Variants in CSRNP3 observed in about 807,000 individuals in gnomAD.
CSRNP3 encodes the protein cysteine and serine rich nuclear protein 3, also known as cysteine/serine-rich nuclear protein 3.
A neutral mutation model predicts 48.0 loss-of-function variants in CSRNP3; 12 were observed. The ratio of observed to expected loss-of-function variants is 0.25; its 90% confidence interval spans 0.16 to 0.41. The LOEUF (loss-of-function observed/expected upper bound fraction) is 0.41, where lower values mean the gene tolerates loss of function less well. Ranked by LOEUF, CSRNP3 falls within the 10% of genes least tolerant of loss-of-function variation. The pLI is 1.00. For missense variants in CSRNP3, 580 were observed against 724.4 expected (o/e 0.80, Z 2.29); for synonymous variants, 263 against 269.7 (o/e 0.98, Z 0.24).
intron 4 of CSRNP3, among the ~76,000 whole-genome samples, chr2:165,612,790 G>A (rs979296683): frequency 1.3e-4 from 20 of 151,874 alleles, no homozygotes; most frequent in Admixed American, 7.9e-4. Flanking sequence ...GTATTCTATT[G>A]TGTATATATA....
intron 3 of CSRNP3, among the ~76,000 whole-genome samples, chr2:165,555,361 C>T (rs766877602): frequency 3.9e-5 from 6 of 152,118 alleles, no homozygotes; most frequent in Admixed American, 1.3e-4. Flanking sequence ...TACTTTTTCA[C>T]GAATGAATTG....
chr2:165,597,844 T>G (rs1685837943), intron 4 of CSRNP3, among the ~76,000 whole-genome samples: 1 of 152,076 alleles, frequency 6.6e-6, no homozygotes, highest in Non-Finnish European at 1.5e-5. Flanking sequence ...GATTAAAAAA[T>G]GCTAATGAGA....
At chr2:165,490,638 A>C (rs971525570) in intron 1 of CSRNP3, among the ~76,000 whole-genome samples, 11 of 139,198 alleles carry the variant, frequency 7.9e-5, no homozygotes, top group African/African-American at 3.0e-4. Flanking sequence ...CCTCAGAAAT[A>C]ACGCCGCATA....
At chr2:165,617,020 A>G (rs1686257288) in intron 4 of CSRNP3, among the ~76,000 whole-genome samples, 1 of 151,816 alleles carries the variant, frequency 6.6e-6, no homozygotes, top group African/African-American at 2.4e-5. Context: ...TTTCCTTTTT[A>G]TATCTAATAC....
chr2:165,578,981 G>A (rs1476067856), intron 3 of CSRNP3, among the ~76,000 whole-genome samples: 1 of 152,026 alleles, frequency 6.6e-6, no homozygotes. Flanking sequence ...TCTATATCAA[G>A]GGATTTTTAT....
intron 2 of CSRNP3, among the ~76,000 whole-genome samples, chr2:165,499,267 C>A (rs1211247358): frequency 6.6e-6 from 1 of 152,110 alleles, no homozygotes; most frequent in Non-Finnish European, 1.5e-5. Context: ...GAAATCTGCG[C>A]CTGAAGCAAA....
At chr2:165,491,875 C>T (rs1400928185) in intron 1 of CSRNP3, among the ~76,000 whole-genome samples, 1 of 137,936 alleles carries the variant, frequency 7.2e-6, no homozygotes, top group African/African-American at 2.7e-5. Context: ...GGGTGCAGCG[C>T]ACCAGCATGG....
chr2:165,487,734 C>A (rs1409374390), intron 1 of CSRNP3, among the ~76,000 whole-genome samples: 32 of 149,920 alleles, frequency 2.1e-4, no homozygotes, highest in African/African-American at 3.3e-4. Flanking sequence ...ACTTTACAGA[C>A]AAGCAAATGC....
In CSRNP3 at chr2:165,688,136, A is replaced by G. The variant is rs1206674641; in HGVS notation, c.*8383A>G. ...GTTTTAATTGACTCTAGGCACCTCT[A>G]TTGAAATAAGTCTGAGGCATAGTTT... On this transcript the variant is annotated 3_prime_UTR_variant, in exon 7 of 7. Coordinates refer to ENST00000651982, the MANE Select transcript of CSRNP3 (RefSeq NM_001172173.2). 1.3e-5 allele frequency: 2 copies of G among 151,952 alleles called. No homozygotes were observed. The highest frequency in any genetic ancestry group is 1.9e-4 in the East Asian group (1 of 5,198). The allele number at this position is 151,952 out of a possible 1,614,324, so 9.4% of individuals were successfully genotyped here. A position where few individuals can be genotyped will look rare whatever the true frequency, so the allele number is the denominator to read the frequency against.
chr2:165,475,263 T>A (rs1429657341), intron 1 of CSRNP3, among the ~76,000 whole-genome samples: 1 of 152,204 alleles, frequency 6.6e-6, no homozygotes, highest in African/African-American at 2.4e-5. Context: ...ATACTTAAAA[T>A]TTTAAATGAT....
intron 3 of CSRNP3, among the ~76,000 whole-genome samples, chr2:165,552,708 T>C (rs1483022246): frequency 6.6e-6 from 1 of 152,100 alleles, no homozygotes; most frequent in Non-Finnish European, 1.5e-5. Context: ...TTTATTTTTT[T>C]ATTTTTTTTT....
In CSRNP3 at chr2:165,609,465, GAAAAAA is replaced by G. The variant is rs34249194; in HGVS notation, c.148+14270_148+14275del. 2.0e-3 allele frequency among the ~76,000 whole-genome samples: 200 copies of G among 97,568 alleles called. 3 individuals carry two copies. The East Asian group carries it at 0.047, about 23-fold the overall frequency. 64.0% of individuals were successfully genotyped at this position (97,568 alleles called of 152,430 possible). On this transcript the variant is annotated intron_variant, in intron 4 of 6. Coordinates refer to ENST00000651982, the MANE Select transcript of CSRNP3 (RefSeq NM_001172173.2). ...CAGAGTGAGACTCCGTCTAAAAAAA[GAAAAAA>G]AAAAAAAAAAAAAAAAAGAGGCAAG...
chr2:165,653,303 C>G (rs1400534249), intron 4 of CSRNP3, among the ~76,000 whole-genome samples: 3 of 152,134 alleles, frequency 2.0e-5, no homozygotes, highest in Admixed American at 2.0e-4. Flanking sequence ...GCTTTTGAAT[C>G]ATTGTTCTCA....
At chr2:165,674,918 G>T (rs900237695) in intron 5 of CSRNP3, among the ~76,000 whole-genome samples, 4 of 151,432 alleles carry the variant, frequency 2.6e-5, no homozygotes, top group Admixed American at 2.6e-4. Flanking sequence ...TCATCATGTT[G>T]CCCAGGCTGG....
chr2:165,534,824 C>A (rs1684861044), intron 3 of CSRNP3, among the ~76,000 whole-genome samples: 2 of 151,600 alleles, frequency 1.3e-5, no homozygotes, highest in African/African-American at 2.4e-5. Flanking sequence ...TAATATTTAT[C>A]AAACTGATAA....
intron 4 of CSRNP3, among the ~76,000 whole-genome samples, chr2:165,604,704 T>G (rs919220228): frequency 6.6e-6 from 1 of 152,218 alleles, no homozygotes; most frequent in Non-Finnish European, 1.5e-5. Flanking sequence ...GCAGGAACTG[T>G]ATAACACACT....
At chr2:165,603,194 C>G (rs1464167831) in intron 4 of CSRNP3, among the ~76,000 whole-genome samples, 1 of 152,214 alleles carries the variant, frequency 6.6e-6, no homozygotes, top group Non-Finnish European at 1.5e-5. Context: ...CGCGCCCGGC[C>G]TGAATCTCCT....
chr2:165,631,812 C>A (rs1686542396), intron 4 of CSRNP3, among the ~76,000 whole-genome samples: 1 of 152,240 alleles, frequency 6.6e-6, no homozygotes, highest in Non-Finnish European at 1.5e-5. Flanking sequence ...TACTCTCACT[C>A]ATCTACCTAT....
At chr2:165,606,747 CAT>C (rs1686035954) in intron 4 of CSRNP3, among the ~76,000 whole-genome samples, 1 of 152,116 alleles carries the variant, frequency 6.6e-6, no homozygotes, top group East Asian at 1.9e-4. Flanking sequence ...GCCGGATGTA[CAT>C]GTATATGCAG....
Sources: gnomAD v4.1 joint callset for allele counts (sites outside exome capture counted in the v4.1 genomes callset) on GRCh38, gnomAD v4.1.1 for gene constraint, MANE v1.5 for transcripts, NCBI Gene and HGNC (gene_info 2026-07-23, HGNC 2026-07-21) for gene names.